EPM2A: variants seen among roughly 807,000 people sequenced by gnomAD.
EPM2A encodes laforin.
Under a neutral mutation model 26.5 loss-of-function variants are expected in EPM2A, and 21 were observed. That is an observed-to-expected ratio of 0.79 (90% CI 0.56 to 1.14). The LOEUF (loss-of-function observed/expected upper bound fraction) is 1.14, where lower values mean the gene tolerates loss of function less well. Ranked by LOEUF, EPM2A falls within the 50% of genes most tolerant of loss-of-function variation. EPM2A has a pLI of 0.00. For missense variants in EPM2A, 458 were observed against 440.8 expected (o/e 1.04, Z -0.35); for synonymous variants, 217 against 177.6 (o/e 1.22, Z -1.76).
At chr6:145,492,740 T>A (rs1053301970) in intron 4 of EPM2A, among the ~76,000 whole-genome samples, 2 of 152,198 alleles carry the variant, frequency 1.3e-5, no homozygotes, top group Non-Finnish European at 1.5e-5. Flanking sequence ...GCCATCCCTC[T>A]GAAGTCAAGC....
At chr6:145,634,791 A>G (rs1243812186) in intron 3 of EPM2A, 1 of 162,408 alleles carries the variant, frequency 6.2e-6, no homozygotes, top group Admixed American at 5.9e-5. Context: ...CTACTTTCCA[A>G]GAAAACCCTC....
intron 2 of EPM2A, among the ~76,000 whole-genome samples, chr6:145,605,017 A>G (rs1295039696): frequency 1.3e-5 from 2 of 152,200 alleles, no homozygotes; most frequent in East Asian, 3.8e-4. Context: ...TAGACTGCCA[A>G]CATATCTAAT....
At chr6:145,396,483 T>A (rs1432822755) in intron 4 of EPM2A, among the ~76,000 whole-genome samples, 2 of 152,208 alleles carry the variant, frequency 1.3e-5, no homozygotes, top group African/African-American at 4.8e-5. Flanking sequence ...TTAACCTTCA[T>A]ACAGAATCTG....
chr6:145,427,431 G>A (rs1778866932), intron 4 of EPM2A, among the ~76,000 whole-genome samples: 2 of 152,114 alleles, frequency 1.3e-5, no homozygotes, highest in African/African-American at 2.4e-5. Flanking sequence ...ACTGCAAGGA[G>A]GTCACTGGGC....
chr6:145,561,309 A>C (rs765385785), intron 2 of EPM2A, among the ~76,000 whole-genome samples: 1 of 152,120 alleles, frequency 6.6e-6, no homozygotes, highest in Non-Finnish European at 1.5e-5. Context: ...ACCATCTGCT[A>C]TTGTGTAAGT....
In EPM2A at chr6:145,509,197, C is replaced by A. The variant is rs9497329; in HGVS notation, c.341-6622G>T. ...TATAATTCAGGAAAATGTCTCTAAT[C>A]TGGCTAGAGAGGTCAATATGCAGAT... On this transcript the variant is annotated intron_variant, in intron 2 of 3. Transcript: ENST00000450221. 7.7e-3 allele frequency among the ~76,000 whole-genome samples: 1,170 copies of A among 152,224 alleles called. 16 individuals are homozygous for A. The highest frequency in any genetic ancestry group is 0.027 in the African/African-American group (1,114 of 41,554).
intron 4 of EPM2A, among the ~76,000 whole-genome samples, chr6:145,468,319 C>T (rs182716188): frequency 3.3e-5 from 5 of 152,154 alleles, no homozygotes; most frequent in East Asian, 3.9e-4. Context: ...CTTTAATCGC[C>T]GTACATTGTA....
intron 2 of EPM2A, among the ~76,000 whole-genome samples, chr6:145,535,515 G>C (rs1780419233): frequency 6.6e-6 from 1 of 152,212 alleles, no homozygotes; most frequent in Non-Finnish European, 1.5e-5. Flanking sequence ...AACCACCACA[G>C]TAGGTGGGTG....
chr6:145,700,442 T>C (rs1176085306), intron 1 of EPM2A, among the ~76,000 whole-genome samples: 1 of 152,040 alleles, frequency 6.6e-6, no homozygotes, highest in South Asian at 2.1e-4. Flanking sequence ...CAAATCCAAG[T>C]CATATGTTAA....
intron 4 of EPM2A, chr6:145,491,624 C>T (rs944705189): frequency 1.4e-5 from 5 of 360,618 alleles, no homozygotes; most frequent in African/African-American, 4.3e-5. Flanking sequence ...AAATGACATT[C>T]GAGTGGGAAA....
chr6:145,473,193 T>G (rs1189009297), intron 4 of EPM2A, among the ~76,000 whole-genome samples: 3 of 151,852 alleles, frequency 2.0e-5, no homozygotes, highest in Non-Finnish European at 2.9e-5. Flanking sequence ...TCAGATAAAT[T>G]TAACAAAGAG....
chr6:145,391,888 GA>G (rs1248900920), intron 4 of EPM2A, among the ~76,000 whole-genome samples: 2 of 151,674 alleles, frequency 1.3e-5, no homozygotes, highest in Non-Finnish European at 2.9e-5. Context: ...CCTTGGAAGA[GA>G]TATTTCTCTT....
At chr6:145,392,044 C>A (rs548942950) in intron 4 of EPM2A, among the ~76,000 whole-genome samples, 2 of 152,242 alleles carry the variant, frequency 1.3e-5, no homozygotes, top group South Asian at 4.1e-4. Flanking sequence ...CCATCAGAAA[C>A]CCTGGTGGCT....
chr6:145,471,242 G>T (rs903446073), intron 4 of EPM2A, among the ~76,000 whole-genome samples: 1 of 152,058 alleles, frequency 6.6e-6, no homozygotes, highest in African/African-American at 2.4e-5. Context: ...GAGGATTTAG[G>T]CACTTTTTCT....
chr6:145,622,290 G>A (rs1376080698), downstream of EPM2A, among the ~76,000 whole-genome samples: 1 of 152,082 alleles, frequency 6.6e-6, no homozygotes, highest in Non-Finnish European at 1.5e-5. Flanking sequence ...AGCTAAACCT[G>A]TAAATGGGAA....
At chr6:145,491,236 G>T (rs991584810) in intron 4 of EPM2A, 12 of 379,148 alleles carry the variant, frequency 3.2e-5, no homozygotes, top group Admixed American at 1.5e-4. Flanking sequence ...GTGTGCAGGG[G>T]CTGGGGCTAG....
At chr6:145,666,238 C>T (rs1266770725) in intron 2 of EPM2A, among the ~76,000 whole-genome samples, 159 of 105,792 alleles carry the variant, frequency 1.5e-3, no homozygotes, top group Non-Finnish European at 1.9e-3. Flanking sequence ...TGTTTGCAGA[C>T]GACATGATTG....
At chr6:145,435,739 T>A (rs1024768605) in intron 4 of EPM2A, among the ~76,000 whole-genome samples, 1 of 151,224 alleles carries the variant, frequency 6.6e-6, no homozygotes, top group Non-Finnish European at 1.5e-5. Context: ...AATCACACAA[T>A]TTTTTTTTGT....
At chr6:145,614,813 A>G (rs1400852386) in intron 2 of EPM2A, among the ~76,000 whole-genome samples, 1 of 152,256 alleles carries the variant, frequency 6.6e-6, no homozygotes, top group Non-Finnish European at 1.5e-5. Context: ...ACCATAGTAG[A>G]TAGAATAATA....
Sources: gnomAD v4.1 joint callset for allele counts (sites outside exome capture counted in the v4.1 genomes callset) on GRCh38, gnomAD v4.1.1 for gene constraint, MANE v1.5 for transcripts, NCBI Gene and HGNC (gene_info 2026-07-23, HGNC 2026-07-21) for gene names.